Variants in SVOP observed in about 807,000 individuals in gnomAD.
The protein encoded by SVOP is synaptic vesicle 2-related protein.
A neutral mutation model predicts 69.1 loss-of-function variants in SVOP; 17 were observed. The observed-to-expected ratio is 0.25, with a 90% CI of 0.17 to 0.37. SVOP has a LOEUF of 0.37. Among genes scored for constraint, SVOP ranks in the 10% least tolerant of loss-of-function variants. SVOP has a pLI of 1.00. For missense variants in SVOP, 435 were observed against 597.5 expected, an observed-to-expected ratio of 0.73 and a Z score of 2.84; for synonymous variants, 238 against 238.6, an observed-to-expected ratio of 1.00 and a Z score of 0.02.
chr12:108,943,388 G>A (rs1315092345), intron 7 of SVOP, among the ~76,000 whole-genome samples: 1 of 151,792 alleles, frequency 6.6e-6, no homozygotes, highest in Non-Finnish European at 1.5e-5. Context: ...ATGAGGTCAG[G>A]AGTTCAAGAT....
chr12:108,990,411 A>G (rs1480754913), intron 1 of SVOP, among the ~76,000 whole-genome samples: 2 of 151,932 alleles, frequency 1.3e-5, no homozygotes, highest in Non-Finnish European at 2.9e-5. Context: ...TCGCAAGGAC[A>G]AAAAACCAAA....
chr12:108,957,277 C>T (rs1566056939), intron 6 of SVOP, among the ~76,000 whole-genome samples: 1 of 152,144 alleles, frequency 6.6e-6, no homozygotes, highest in African/African-American at 2.4e-5. Context: ...GATTCTCCTG[C>T]CTCAGCCTCC....
At chr12:108,915,406 G>A (rs1357897279) in intron 15 of SVOP, among the ~76,000 whole-genome samples, 4 of 152,100 alleles carry the variant, frequency 2.6e-5, no homozygotes, top group East Asian at 1.9e-4. Context: ...TGTATTCAAT[G>A]TCTAGCTCCC....
At chr12:108,931,243 A>G (rs1397814414) in intron 11 of SVOP, among the ~76,000 whole-genome samples, 1 of 152,218 alleles carries the variant, frequency 6.6e-6, no homozygotes, top group Non-Finnish European at 1.5e-5. Flanking sequence ...AACTATGATT[A>G]TAGAGGCCTA....
chr12:108,952,532 A>C (rs2039961768), intron 6 of SVOP, among the ~76,000 whole-genome samples: 1 of 152,050 alleles, frequency 6.6e-6, no homozygotes, highest in Non-Finnish European at 1.5e-5. Context: ...AACTGTGCCC[A>C]GGCCCCCTAC....
chr12:108,950,630 C>T (rs1395281799), intron 6 of SVOP, among the ~76,000 whole-genome samples: 4 of 152,210 alleles, frequency 2.6e-5, no homozygotes, highest in Admixed American at 2.6e-4. Context: ...GATCCACCTG[C>T]TTCAGCTTCC....
intron 6 of SVOP, among the ~76,000 whole-genome samples, chr12:108,956,871 G>A (rs1240659134): frequency 6.6e-6 from 1 of 152,216 alleles, no homozygotes; most frequent in Non-Finnish European, 1.5e-5. Flanking sequence ...GGACTCTGAA[G>A]GTGTCACTAA....
intron 5 of SVOP, among the ~76,000 whole-genome samples, chr12:108,961,542 G>T (rs538560340): frequency 6.7e-6 from 1 of 149,614 alleles, no homozygotes; most frequent in Non-Finnish European, 1.5e-5. Context: ...TTACAAAATT[G>T]TTCTTTTCAG....
chr12:109,020,753 T>TA, intron 1 of SVOP, 81 bp downstream of exon 1: 3 of 317,720 alleles, frequency 9.4e-6, no homozygotes, highest in Non-Finnish European at 5.9e-6. Context: ...TGCAGAGATG[T>TA]ACCCCCCCCC....
Position 109,016,548 on chromosome 12 carries a change from A to G in SVOP, c.35+4286T>C, listed in dbSNP as rs551223310. On this transcript the variant is annotated intron_variant, in intron 1 of 15. Transcript: ENST00000610966. ...TAATGATCTTTTGGCTGATTTTGAG[A>G]CACACCAAGCTTTTTTCCCAATTCA... Among the ~76,000 whole-genome samples the G allele has an allele frequency of 3.8e-4, 58 of 152,222 alleles. 1 individual carries two copies. In the South Asian group the frequency reaches 0.012, roughly 32 times the overall value.
chr12:108,929,629 C>T (rs2039803401), intron 11 of SVOP, among the ~76,000 whole-genome samples: 1 of 152,140 alleles, frequency 6.6e-6, no homozygotes, highest in Non-Finnish European at 1.5e-5. Flanking sequence ...GTCGGTTTAA[C>T]CAGAAACCAT....
chr12:108,927,165 A>C (rs1384414287), intron 11 of SVOP, among the ~76,000 whole-genome samples: 1 of 152,080 alleles, frequency 6.6e-6, no homozygotes, highest in Non-Finnish European at 1.5e-5. Flanking sequence ...GGCTTGAGGA[A>C]CTGGTGTAGG....
intron 1 of SVOP, among the ~76,000 whole-genome samples, chr12:108,990,403 G>A (rs36143467): frequency 0.89 from 134,831 of 151,562 alleles, 61,070 homozygotes; most frequent in Non-Finnish European, 0.99. Context: ...GCAAACTATC[G>A]CAAGGACAAA....
chr12:109,001,037 C>T lies in SVOP; in HGVS notation c.36-17276G>A, dbSNP rs1247610734. Among the ~76,000 whole-genome samples, 10 of 151,928 alleles carry T rather than the reference C, an allele frequency of 6.6e-5. No homozygotes were observed. In the East Asian group the frequency reaches 1.2e-3, roughly 18 times the overall value. On this transcript the variant is annotated intron_variant, in intron 1 of 15. Transcript: ENST00000610966. ...AAGTCAAATTGTCCCTGTTTGCAGA[C>T]GACATGATTGCATATCTAGAAAACC...
chr12:108,962,390 C>T (rs1489044780), intron 5 of SVOP, among the ~76,000 whole-genome samples: 1 of 152,188 alleles, frequency 6.6e-6, no homozygotes, highest in African/African-American at 2.4e-5. Flanking sequence ...TGAGCCAACA[C>T]GCCTGGCTGA....
intron 10 of SVOP, among the ~76,000 whole-genome samples, chr12:108,936,023 T>TACACACACACACACACACACACAC (rs144380662): frequency 3.3e-4 from 47 of 144,540 alleles, no homozygotes; most frequent in Non-Finnish European, 5.2e-4. Flanking sequence ...ATAGTATAAA[T>TACACACACACACACACACACACAC]ACACACACAC....
At chr12:108,987,601 T>A (rs1264491909) in intron 1 of SVOP, among the ~76,000 whole-genome samples, 1 of 152,200 alleles carries the variant, frequency 6.6e-6, no homozygotes, top group African/African-American at 2.4e-5. Flanking sequence ...TCCTTGCCAA[T>A]ACTTGTTATT....
At chr12:108,946,641 C>A (rs2039924749) in intron 6 of SVOP, among the ~76,000 whole-genome samples, 1 of 151,158 alleles carries the variant, frequency 6.6e-6, no homozygotes, top group Non-Finnish European at 1.5e-5. Flanking sequence ...TCCATTTAAT[C>A]AATAAGGACT....
chr12:108,914,971 G>A (rs1054205551), intron 15 of SVOP, among the ~76,000 whole-genome samples: 1 of 151,278 alleles, frequency 6.6e-6, no homozygotes, highest in Non-Finnish European at 1.5e-5. Flanking sequence ...TCAAGAGATC[G>A]AGACCATCCT....
Sources: gnomAD v4.1 joint callset for allele counts (sites outside exome capture counted in the v4.1 genomes callset) on GRCh38, gnomAD v4.1.1 for gene constraint, MANE v1.5 for transcripts, NCBI Gene and HGNC (gene_info 2026-07-23, HGNC 2026-07-21) for gene names.